GABRQ: variants seen among roughly 807,000 people sequenced by gnomAD.
GABRQ encodes the protein gamma-aminobutyric acid type A receptor subunit theta, also known as gamma-aminobutyric acid receptor subunit theta.
GABRQ carries 19 observed loss-of-function variants against 30.5 expected under a neutral mutation model. The observed-to-expected ratio is 0.62, with a 90% CI of 0.43 to 0.91. GABRQ has a LOEUF of 0.91. Ranked by LOEUF, GABRQ falls within the 40% of genes least tolerant of loss-of-function variation. The pLI, the probability that GABRQ is intolerant of heterozygous loss-of-function variation, is 0.00. For synonymous variants in GABRQ, 187 were observed against 210.2 expected (o/e 0.89, Z 0.95); for missense variants, 520 against 521.4 (o/e 1.00, Z 0.03).
At chrX:152,652,183 G>C (rs1321711627) in intron 8 of GABRQ, among the ~76,000 whole-genome samples, 1 of 112,895 alleles carries the variant, frequency 8.9e-6, no homozygotes, top group East Asian at 2.8e-4. Flanking sequence ...GCAATGCTGA[G>C]GCTTTTGCTG....
rs1371304671 is a variant in GABRQ, at chrX:152,655,103, A to G, written c.*1822A>G. The G allele has an allele frequency of 1.8e-5, 2 of 112,573 alleles. No homozygotes were observed. Among genetic ancestry groups the G allele is most frequent in the African/African-American group, 6.5e-5 (2 of 30,931 alleles). 9.3% of individuals were successfully genotyped at this position (112,573 alleles called of 1,213,427 possible). A position where few individuals can be genotyped will look rare whatever the true frequency, so the allele number is the denominator to read the frequency against. On this transcript the variant is annotated 3_prime_UTR_variant, in exon 9 of 9. Coordinates refer to ENST00000598523, the MANE Select transcript of GABRQ (RefSeq NM_018558.4). The stretch of plus-strand genomic sequence containing the variant: ...TGCATGTATATAAGGGCATGTCTGC[A>G]TATCTATGTTTATCTGATTTGAATG...
intron 1 of GABRQ, among the ~76,000 whole-genome samples, chrX:152,639,400 A>G (rs1472042435): frequency 7.2e-5 from 8 of 111,558 alleles, no homozygotes; most frequent in South Asian, 3.8e-4. Context: ...ACACACACAC[A>G]CACAAACACA....
Position 152,650,460 on chromosome X carries a change from G to T in GABRQ, c.781G>T (p.Val261Phe), listed in dbSNP as rs782758780. The change falls in exon 7 of 9, where the codon GTT becomes TTT. Residue 261 changes from valine (V) to phenylalanine (F), a missense_variant. Val to Phe is a conservative substitution (Grantham distance 50). Coordinates refer to ENST00000598523, the MANE Select transcript of GABRQ (RefSeq NM_018558.4). The part of the protein sequence containing the change: ...SYIRLILKFQ[V>F]QREVNSYLVQ... ...CATACGCCTGATACTGAAGTTCCAGGTTCAGAGGGAAGTTAACAGCTACCT... is the reference window on the plus strand; with the variant it reads ...CATACGCCTGATACTGAAGTTCCAGTTTCAGAGGGAAGTTAACAGCTACCT... The T allele has an allele frequency of 1.1e-5, 13 of 1,205,439 alleles. No individual in the cohort carries two copies.
chrX:152,640,609 T>C, intron 2 of GABRQ, 143 bp downstream of exon 2: 1 of 536,801 alleles, frequency 1.9e-6, no homozygotes. Flanking sequence ...TTCCTGACTC[T>C]GCAGAGACCA....
chrX:152,642,751 G>T (rs1930788598), intron 2 of GABRQ, among the ~76,000 whole-genome samples: 1 of 111,701 alleles, frequency 9.0e-6, no homozygotes, highest in African/African-American at 3.3e-5. Context: ...GATGGGCTGG[G>T]GCCACCATCC....
At chrX:152,649,450 C>T (rs1040574095) in intron 5 of GABRQ, 117 bp downstream of exon 5, 21 of 506,150 alleles carry the variant, frequency 4.1e-5, no homozygotes, top group Non-Finnish European at 5.7e-5. Flanking sequence ...TCCCTCCCCC[C>T]ATTCTCTCTC....
chrX:152,642,114 T>C (rs1930773110), intron 2 of GABRQ, among the ~76,000 whole-genome samples: 1 of 110,964 alleles, frequency 9.0e-6, no homozygotes, highest in African/African-American at 3.3e-5. Context: ...CCGATGAAGG[T>C]AGGAGGGCAA....
At chrX:152,641,927 C>T (rs1930768208) in intron 2 of GABRQ, among the ~76,000 whole-genome samples, 2 of 111,814 alleles carry the variant, frequency 1.8e-5, no homozygotes, top group African/African-American at 3.3e-5. Flanking sequence ...CATTTGAGTA[C>T]ACCAATCACC....
Position 152,638,253 on chromosome X carries a change from G to C in GABRQ, c.51G>C (p.Arg17Ser), listed in dbSNP as rs1556817734. The stretch of plus-strand genomic sequence containing the variant: ...CCGCAGTGATCCTGCTGCTCATCAG[G>C]ACCTGGCTCGCGGAGGGCAACTACC... The part of the protein sequence containing the change: ...LRAAVILLLI[R>S]TWLAEGNYPS... The change falls in exon 1 of 9, where the codon AGG becomes AGC. Residue 17 changes from arginine (R) to serine (S), a missense_variant. Arg to Ser is a moderately radical substitution (Grantham distance 110). Transcript: ENST00000598523. The C allele has an allele frequency of 9.9e-6, 12 of 1,210,444 alleles. No individual in the cohort carries two copies. Among genetic ancestry groups the C allele is most frequent in the Non-Finnish European group, 1.3e-5 (12 of 893,913 alleles).
At chrX:152,646,484 C>T (rs782725443) in intron 3 of GABRQ, among the ~76,000 whole-genome samples, 73 of 112,377 alleles carry the variant, frequency 6.5e-4, no homozygotes, top group African/African-American at 2.1e-3. Flanking sequence ...ACATGTCCAC[C>T]TGAGTGAATC....
At chrX:152,639,014 T>G (rs1391367589) in intron 1 of GABRQ, among the ~76,000 whole-genome samples, 1 of 110,776 alleles carries the variant, frequency 9.0e-6, no homozygotes, top group Non-Finnish European at 1.9e-5. Context: ...TCTTTTTGAT[T>G]TTAAGTTTGT....
chrX:152,651,501 TAA>T (rs782291959), intron 7 of GABRQ, 23 bp from the exon 8 acceptor site: 114 of 1,192,682 alleles, frequency 9.6e-5, no homozygotes, highest in Non-Finnish European at 1.2e-4. Flanking sequence ...CAGAGGAGAC[TAA>T]GTCTGTACTG....
At chrX:152,649,518 G>A (rs1422384760) in intron 5 of GABRQ, among the ~76,000 whole-genome samples, 185 bp downstream of exon 5, 1 of 111,829 alleles carries the variant, frequency 8.9e-6, no homozygotes, top group African/African-American at 3.3e-5. Flanking sequence ...GAGAAAGATG[G>A]TGGAGAGATA....
rs1556819340 is a variant in GABRQ at position 152,647,112 on chromosome X, T to A, written c.471T>A (p.Thr157=). The A allele has an allele frequency of 8.3e-7, 1 of 1,211,316 alleles. No individual in the cohort carries two copies. Among genetic ancestry groups the A allele is most frequent in the Non-Finnish European group, 1.1e-6 (1 of 894,936 alleles). ...AGGATGCTTTCGTGCATGATGTGAC[T>A]GTGGAGAATCGCGTGTTTCAGCTTC... ...NSKDAFVHDV[T]VENRVFQLHP... The change falls in exon 4 of 9, where the codon ACT becomes ACA. Residue 157 remains threonine (T), a synonymous_variant. Transcript: ENST00000598523.
chrX:152,656,970 C>G lies in GABRQ; in HGVS notation c.*3689C>G, dbSNP rs1324995346. 1.8e-5 allele frequency: 2 copies of G among 111,824 alleles called. No individual in the cohort carries two copies. Among genetic ancestry groups the G allele is most frequent in the Non-Finnish European group, 3.8e-5 (2 of 53,206 alleles). The allele number at this position is 111,824 out of a possible 1,213,427, so 9.2% of individuals were successfully genotyped here. On this transcript the variant is annotated 3_prime_UTR_variant, in exon 9 of 9. Coordinates refer to ENST00000598523, the MANE Select transcript of GABRQ (RefSeq NM_018558.4). Reference sequence around the variant, plus strand: ...GGAGGGAGGGAGAGGATGTTAAAGTCTCTCTTTGATAAACTTAAATTATGA... The same window carrying G: ...GGAGGGAGGGAGAGGATGTTAAAGTGTCTCTTTGATAAACTTAAATTATGA...
chrX:152,643,902 C>T (rs73244116), intron 2 of GABRQ, among the ~76,000 whole-genome samples: 1,701 of 102,762 alleles, frequency 0.017, 12 homozygotes, highest in Middle Eastern at 0.044. Flanking sequence ...CACATATGCA[C>T]GCGTTCACTC....
intron 2 of GABRQ, among the ~76,000 whole-genome samples, chrX:152,644,894 A>C (rs1289797153): frequency 8.9e-6 from 1 of 111,782 alleles, no homozygotes; most frequent in Non-Finnish European, 1.9e-5. Flanking sequence ...TTGAACACAA[A>C]CACAATCATA....
chrX:152,651,917 A>G, intron 8 of GABRQ, 135 bp downstream of exon 8: 1 of 531,109 alleles, frequency 1.9e-6, no homozygotes, highest in Non-Finnish European at 3.1e-6. Flanking sequence ...AAACACACAC[A>G]CACAACATAT....
chrX:152,639,116 T>C (rs1556817888), intron 1 of GABRQ, among the ~76,000 whole-genome samples: 1 of 111,338 alleles, frequency 9.0e-6, no homozygotes, highest in African/African-American at 3.3e-5. Flanking sequence ...GGCACATGGG[T>C]AATGTGTGCT....
Sources: gnomAD v4.1 joint callset for allele counts (sites outside exome capture counted in the v4.1 genomes callset) on GRCh38, gnomAD v4.1.1 for gene constraint, MANE v1.5 for transcripts, NCBI Gene and HGNC (gene_info 2026-07-23, HGNC 2026-07-21) for gene names.